The following GRIK4 variants were observed in gnomAD, a reference collection of about 807,000 sequenced individuals.
The protein encoded by GRIK4 is glutamate ionotropic receptor kainate type subunit 4.
GRIK4 carries 40 observed loss-of-function variants against 104.9 expected under a neutral mutation model. The ratio of observed to expected loss-of-function variants is 0.38; its 90% confidence interval spans 0.30 to 0.50. The LOEUF is 0.50. Among genes scored for constraint, GRIK4 ranks in the 20% least tolerant of loss-of-function variants. The pLI is 0.93. For synonymous variants in GRIK4, 485 were observed against 524.9 expected, an observed-to-expected ratio of 0.92 and a Z score of 1.04; for missense variants, 1,047 against 1,308.1, an observed-to-expected ratio of 0.80 and a Z score of 3.08.
At chr11:120,904,382 A>C (rs1258487519) in intron 12 of GRIK4, among the ~76,000 whole-genome samples, 1 of 152,178 alleles carries the variant, frequency 6.6e-6, no homozygotes, top group Non-Finnish European at 1.5e-5. Context: ...ACCAGTTATC[A>C]GACCTGTTCC....
chr11:120,942,115 T>C (rs569708542), intron 14 of GRIK4, among the ~76,000 whole-genome samples: 4 of 152,352 alleles, frequency 2.6e-5, no homozygotes, highest in Non-Finnish European at 5.9e-5. Context: ...ATCACTTGCA[T>C]AGGGCACTTT....
intron 3 of GRIK4, among the ~76,000 whole-genome samples, chr11:120,782,934 T>C (rs1952187429): frequency 6.6e-6 from 1 of 152,146 alleles, no homozygotes; most frequent in Admixed American, 6.5e-5. Context: ...GTTTCTGCCT[T>C]CCGAAGAGTG....
intron 3 of GRIK4, among the ~76,000 whole-genome samples, chr11:120,774,875 C>G (rs533541834): frequency 1.3e-5 from 2 of 152,128 alleles, no homozygotes; most frequent in Admixed American, 6.5e-5. Flanking sequence ...TGTGAATACA[C>G]GCATGAACAA....
chr11:120,871,601 A>T (rs879501716), intron 9 of GRIK4: 3 of 456,258 alleles, frequency 6.6e-6, no homozygotes, highest in Non-Finnish European at 1.3e-5. Flanking sequence ...AGGCTCTGGG[A>T]CCAAGGGACA....
At chr11:120,936,221 C>T in intron 13 of GRIK4, 1 of 417,580 alleles carries the variant, frequency 2.4e-6, no homozygotes, top group Non-Finnish European at 4.7e-6. Flanking sequence ...CTTCACAGCC[C>T]TCTTTTCATA....
intron 3 of GRIK4, among the ~76,000 whole-genome samples, chr11:120,799,464 C>A (rs753293195): frequency 1.3e-5 from 2 of 152,164 alleles, no homozygotes; most frequent in Admixed American, 1.3e-4. Flanking sequence ...CGCTCCCTAG[C>A]GCACCCCCTG....
chr11:120,917,656 C>T (rs953782213), intron 13 of GRIK4, among the ~76,000 whole-genome samples: 3 of 152,208 alleles, frequency 2.0e-5, no homozygotes, highest in Non-Finnish European at 2.9e-5. Context: ...GAATTTTCCC[C>T]GCCCATCCTC....
At chr11:120,532,972 G>T (rs1947937666) in intron 1 of GRIK4, among the ~76,000 whole-genome samples, 1 of 152,192 alleles carries the variant, frequency 6.6e-6, no homozygotes. Context: ...ACATTCCTGA[G>T]TTCAGTACTT....
At chr11:120,744,890 A>G in intron 3 of GRIK4, among the ~76,000 whole-genome samples, 1 of 152,206 alleles carries the variant, frequency 6.6e-6, no homozygotes, top group East Asian at 1.9e-4. Flanking sequence ...TTTCAAGGTA[A>G]TAACTGGACC....
rs535035058 is a variant in GRIK4 at position 120,872,722 on chromosome 11, T to G, written c.907-1344T>G. 3.3e-5 allele frequency: 6 copies of G among 179,562 alleles called. No individual in the cohort carries two copies. The East Asian group carries it at 9.4e-4, about 28-fold the overall frequency. 11.1% of individuals were successfully genotyped at this position (179,562 alleles called of 1,614,324 possible). A position where few individuals can be genotyped will look rare whatever the true frequency, so the allele number is the denominator to read the frequency against. On this transcript the variant is annotated intron_variant, in intron 9 of 20. Transcript: ENST00000527524. The stretch of plus-strand genomic sequence containing the variant: ...CTCAGGGCCTTGGCACAGTACTGAG[T>G]GTATAGTCAATTGCACTTGCTAGGG...
At position 120,555,210 on chromosome 11, in the gene GRIK4, C is replaced by G. The variant is rs992849316; in HGVS notation, c.-159+43323C>G. ...ACTCCTGCAAATGGAGGCGGCATGC[C>G]CCAGAGAGCCCTATGCTTTTTGCTG... On this transcript the variant is annotated intron_variant, in intron 1 of 20. Coordinates refer to ENST00000527524, the MANE Select transcript of GRIK4 (RefSeq NM_014619.5). This position sits in a 1 kb window ranked among gnomAD's most constrained non-coding sequence, Gnocchi z 5.3. Among the ~76,000 whole-genome samples the G allele has an allele frequency of 1.3e-5, 2 of 152,184 alleles. No individual in the cohort carries two copies. The highest frequency in any genetic ancestry group is 4.8e-5 in the African/African-American group (2 of 41,452).
chr11:120,826,043 C>G (rs1448882980), intron 6 of GRIK4, among the ~76,000 whole-genome samples: 1 of 152,150 alleles, frequency 6.6e-6, no homozygotes, highest in Non-Finnish European at 1.5e-5. Flanking sequence ...ACAGTCCTCC[C>G]ATTACAGAGC....
chr11:120,695,733 C>T (rs1021663236), intron 3 of GRIK4, among the ~76,000 whole-genome samples: 1 of 152,220 alleles, frequency 6.6e-6, no homozygotes, highest in African/African-American at 2.4e-5. Flanking sequence ...AGGTGAGATG[C>T]AGTGTCATTA....
intron 1 of GRIK4, among the ~76,000 whole-genome samples, chr11:120,541,309 C>A (rs897973857): frequency 1.3e-5 from 2 of 152,202 alleles, no homozygotes; most frequent in African/African-American, 4.8e-5. Flanking sequence ...GCACTTATCA[C>A]GGTGTGTTGA....
At chr11:120,776,682 G>A (rs1182927332) in intron 3 of GRIK4, among the ~76,000 whole-genome samples, 1 of 152,176 alleles carries the variant, frequency 6.6e-6, no homozygotes, top group East Asian at 1.9e-4. Flanking sequence ...CTCTCAAGCT[G>A]TTGGGCTGAG....
At position 120,927,200 on chromosome 11, in the gene GRIK4, A is replaced by G. The variant is rs552423262; in HGVS notation, c.1477-13147A>G. Among the ~76,000 whole-genome samples the G allele has an allele frequency of 1.6e-3, 248 of 152,272 alleles. 1 individual carries two copies. The highest frequency in any genetic ancestry group is 2.6e-3 in the Non-Finnish European group (175 of 68,016). The stretch of plus-strand genomic sequence containing the variant: ...GGAGTTGGGTCTTTATGAACTTGGA[A>G]GTCTCTCGGTTCTTTTCCTAGGTCC... On this transcript the variant is annotated intron_variant, in intron 13 of 20. Coordinates refer to ENST00000527524, the MANE Select transcript of GRIK4 (RefSeq NM_014619.5).
At chr11:120,748,195 C>T (rs1344103112) in intron 3 of GRIK4, among the ~76,000 whole-genome samples, 3 of 152,022 alleles carry the variant, frequency 2.0e-5, no homozygotes, top group Non-Finnish European at 4.4e-5. Context: ...AAACCCTCCT[C>T]TCTCCCTGCG....
At chr11:120,566,968 ATTTTTTTT>A (rs572433053) in intron 1 of GRIK4, among the ~76,000 whole-genome samples, 7 of 99,728 alleles carry the variant, frequency 7.0e-5, no homozygotes, top group East Asian at 5.4e-4. Context: ...CGGCCTCCTA[ATTTTTTTT>A]TTTTTTTTTT....
At chr11:120,966,556 G>C (rs1046374286) in intron 18 of GRIK4, among the ~76,000 whole-genome samples, 3 of 152,150 alleles carry the variant, frequency 2.0e-5, no homozygotes, top group Non-Finnish European at 4.4e-5. Flanking sequence ...ATTTTTAGTA[G>C]AGATGGGGTT....
Sources: gnomAD v4.1 joint callset for allele counts (sites outside exome capture counted in the v4.1 genomes callset) on GRCh38, gnomAD v4.1.1 for gene constraint, Gnocchi (gnomAD v3.1) non-coding constraint, MANE v1.5 for transcripts, NCBI Gene and HGNC (gene_info 2026-07-23, HGNC 2026-07-21) for gene names.